Variants in MCAM observed in about 807,000 individuals in gnomAD.
MCAM encodes the protein melanoma cell adhesion molecule.
In MCAM, 55 loss-of-function variants were observed where a neutral mutation model predicts 79.1. The ratio of observed to expected loss-of-function variants is 0.70; its 90% confidence interval spans 0.56 to 0.87. The LOEUF (loss-of-function observed/expected upper bound fraction) is 0.87, where lower values mean the gene tolerates loss of function less well. Among genes scored for constraint, MCAM ranks in the 40% least tolerant of loss-of-function variants. The pLI, the probability that MCAM is intolerant of heterozygous loss-of-function variation, is 0.00. For synonymous variants in MCAM, 330 were observed against 339.8 expected (o/e 0.97, Z 0.32); for missense variants, 745 against 839.8 (o/e 0.89, Z 1.40).
rs2276081 is a variant in MCAM, at chr11:119,310,375, C to T, written c.1885G>A (p.Gly629Ser). 61 of 1,613,884 alleles carry T rather than the reference C, an allele frequency of 3.8e-5. No individual in the cohort carries two copies. The East Asian group carries it at 9.1e-4, about 24-fold the overall frequency. Residue 629 changes from glycine to serine, a missense_variant, in exon 15 of 16, where the codon GGT becomes AGT. Gly to Ser is a moderately conservative substitution (Grantham distance 56). Transcript: ENST00000264036. ...EEMGLLQGSS[G>S]DKRAPGDQGE... Reference sequence around the variant, plus strand: ...TGGTCTCCCGGAGCCCTCTTGTCACCGCTGCTGCCCTGCAGGAGGCCCATC... The same window carrying T: ...TGGTCTCCCGGAGCCCTCTTGTCACTGCTGCTGCCCTGCAGGAGGCCCATC...
At position 119,309,722 on chromosome 11, in the gene MCAM, A is replaced by G. The variant is rs1950198917; in HGVS notation, c.*164T>C. ...CTGAAAAGCGGGCCTTGCAGGGCCA[A>G]GTGAGGTCCTCAGGTCCTAACCCAG... On this transcript the variant is annotated 3_prime_UTR_variant, in exon 16 of 16. Transcript: ENST00000264036. 4 of 683,030 alleles carry G rather than the reference A, an allele frequency of 5.9e-6. No individual in the cohort carries two copies. In the Admixed American group the frequency reaches 1.1e-4, roughly 18 times the overall value. The allele number at this position is 683,030 out of a possible 1,614,324, so 42.3% of individuals were successfully genotyped here. A position where few individuals can be genotyped will look rare whatever the true frequency, so the allele number is the denominator to read the frequency against.
Position 119,312,378 on chromosome 11 carries a change from G to A in MCAM, c.912C>T (p.Val304=). The stretch of plus-strand genomic sequence containing the variant: ...CCTTCCGGGCAGGCTCCAGCACCAG[G>A]ACCCCGTTGTCGTTGGTTGTCTCTT... ...AEEETTNDNG[V]LVLEPARKEH... is the part of the protein sequence containing the mutation. Residue 304 remains valine (V), a synonymous_variant, in exon 8 of 16, where the codon GTC becomes GTT. Transcript: ENST00000264036. This position sits in a 1 kb window ranked among gnomAD's most constrained non-coding sequence, Gnocchi z 4.9. The A allele has an allele frequency of 2.5e-6, 4 of 1,614,072 alleles. No homozygotes were observed. Among genetic ancestry groups the A allele is most frequent in the Non-Finnish European group, 3.4e-6 (4 of 1,179,994 alleles).
In MCAM at chr11:119,311,803, C is replaced by A; in HGVS notation, c.1285+5G>T. 1 of 1,613,934 alleles carries A rather than the reference C, an allele frequency of 6.2e-7. No homozygotes were observed. Among genetic ancestry groups the A allele is most frequent in the Non-Finnish European group, 8.5e-7 (1 of 1,179,946 alleles). ...CCTGGTCTCTACCCAGAGGGAGGGC[C>A]TCACCAAAAATGGCCACGTTGACCA... On this transcript the variant is annotated splice_donor_5th_base_variant and intron_variant, in intron 10 of 15. Coordinates refer to ENST00000264036, the MANE Select transcript of MCAM (RefSeq NM_006500.3). The surrounding 1 kb of genome is among the most constrained non-coding windows in gnomAD (Gnocchi z 4.4).
At chr11:119,310,266 G>A in intron 15 of MCAM, 83 bp downstream of exon 15, 1 of 920,694 alleles carries the variant, frequency 1.1e-6, no homozygotes, top group Non-Finnish European at 1.8e-6. Context: ...AAAGAGGGAT[G>A]AAGGATAGAG....
Position 119,312,235 on chromosome 11 carries a change from G to A in MCAM, c.1024+31C>T. 6.2e-7 allele frequency: 1 copy of A among 1,612,764 alleles called. No individual in the cohort carries two copies. Among genetic ancestry groups the A allele is most frequent in the Non-Finnish European group, 8.5e-7 (1 of 1,179,144 alleles). On this transcript the variant is annotated intron_variant, in intron 8 of 15. Coordinates refer to ENST00000264036, the MANE Select transcript of MCAM (RefSeq NM_006500.3). The surrounding 1 kb of genome is among the most constrained non-coding windows in gnomAD (Gnocchi z 4.9). ...GCCAGTTCCCTATTGCCCCAGCCTG[G>A]TCCCCCTGTCCTGGGTCCCCAGCCC...
chr11:119,315,066 A>G lies in MCAM; in HGVS notation c.193-26T>C, dbSNP rs1950292448. ...CTAATGGGAGGAGACACAGAGGAGG[A>G]GAAGGGTCCTGGGCTACAAGAGGGG... On this transcript the variant is annotated intron_variant, in intron 2 of 15. Transcript: ENST00000264036. This position sits in a 1 kb window ranked among gnomAD's most constrained non-coding sequence, Gnocchi z 4.4. The G allele has an allele frequency of 1.2e-6, 2 of 1,609,522 alleles. No individual in the cohort carries two copies. The highest frequency in any genetic ancestry group is 2.7e-5 in the African/African-American group (2 of 74,890).
At position 119,310,877 on chromosome 11, in the gene MCAM, G is replaced by A. The variant is rs368813514; in HGVS notation, c.1672C>T (p.Arg558Trp). ...ATCACAGCCACGATGACCACGCCCC[G>A]GCTCTCCGGCTCCGGCAGCTTTCTC... ...TERKLPEPES[R>W]GVVIVAVIVC... The change falls in exon 14 of 16, where the codon CGG becomes TGG. Residue 558 changes from arginine (R) to tryptophan (W), a missense_variant. Physicochemically the swap from Arg to Trp is moderately radical, Grantham distance 101. Transcript: ENST00000264036. 25 of 1,614,050 alleles carry A rather than the reference G, an allele frequency of 1.5e-5. No individual in the cohort carries two copies. The highest frequency in any genetic ancestry group is 9.3e-5 in the African/African-American group (7 of 74,932).
chr11:119,311,059 C>T lies in MCAM; in HGVS notation c.1645+31G>A. 6.2e-7 allele frequency: 1 copy of T among 1,614,216 alleles called. No homozygotes were observed. On this transcript the variant is annotated intron_variant, in intron 13 of 15. Coordinates refer to ENST00000264036, the MANE Select transcript of MCAM (RefSeq NM_006500.3). The surrounding 1 kb of genome is among the most constrained non-coding windows in gnomAD (Gnocchi z 4.4). ...ACAGGGCAGAAAGGATGCCCTGGCA[C>T]AGCCCTGTTCTCTTGCCAGGCCTGG...
rs1950248237 is a variant in MCAM, at chr11:119,312,456, G to A, written c.862-28C>T. On this transcript the variant is annotated intron_variant, in intron 7 of 15. Transcript: ENST00000264036. The surrounding 1 kb of genome is among the most constrained non-coding windows in gnomAD (Gnocchi z 4.9). ...AGGGAGGATTGGGGAGGTGAGCAGA[G>A]TGCACCTCCCGCCACTCCACCTGGG... 3 of 1,612,878 alleles carry A rather than the reference G, an allele frequency of 1.9e-6. No homozygotes were observed. The highest frequency in any genetic ancestry group is 8.5e-7 in the Non-Finnish European group (1 of 1,179,702).
Position 119,312,453 on chromosome 11 carries a change from A to G in MCAM, c.862-25T>C, listed in dbSNP as rs368792756. Reference sequence around the variant, plus strand: ...TCTAGGGAGGATTGGGGAGGTGAGCAGAGTGCACCTCCCGCCACTCCACCT... The same window carrying G: ...TCTAGGGAGGATTGGGGAGGTGAGCGGAGTGCACCTCCCGCCACTCCACCT... On this transcript the variant is annotated intron_variant, in intron 7 of 15. Transcript: ENST00000264036. The surrounding 1 kb of genome is among the most constrained non-coding windows in gnomAD (Gnocchi z 4.9). 1.7e-5 allele frequency: 28 copies of G among 1,612,752 alleles called. No individual in the cohort carries two copies. Among genetic ancestry groups the G allele is most frequent in the Non-Finnish European group, 2.3e-5 (27 of 1,179,644 alleles).
intron 15 of MCAM, 69 bp from the exon 16 acceptor site, chr11:119,309,984 G>T: frequency 7.6e-7 from 1 of 1,311,076 alleles, no homozygotes; most frequent in Non-Finnish European, 1.1e-6. Context: ...AGCACCGAGA[G>T]GAAGGAGAGA....
At chr11:119,310,943 G>C (rs1387050477) in intron 13 of MCAM, 40 bp from the exon 14 acceptor site, 1 of 1,613,948 alleles carries the variant, frequency 6.2e-7, no homozygotes, top group Non-Finnish European at 8.5e-7. Flanking sequence ...CCTGCCCCAG[G>C]CCACTTCGTC....
chr11:119,316,619 T>C lies in MCAM; in HGVS notation c.67+416A>G. On this transcript the variant is annotated intron_variant, in intron 1 of 15. Transcript: ENST00000264036. The surrounding 1 kb of genome is among the most constrained non-coding windows in gnomAD (Gnocchi z 4.8). ...GGAAGGGGTGGGTCGGCGCACCCCC[T>C]CCAGCGAAGGAAGCTGCCTTTTCCA... 1 of 163,678 alleles carries C rather than the reference T, an allele frequency of 6.1e-6. No homozygotes were observed. The highest frequency in any genetic ancestry group is 1.3e-5 in the Non-Finnish European group (1 of 75,220). 10.1% of individuals were successfully genotyped at this position (163,678 alleles called of 1,614,324 possible). A position where few individuals can be genotyped will look rare whatever the true frequency, so the allele number is the denominator to read the frequency against.
intron 14 of MCAM, 39 bp from the exon 15 acceptor site, chr11:119,310,505 G>A: frequency 7.3e-7 from 1 of 1,367,940 alleles, no homozygotes; most frequent in African/African-American, 1.4e-5. Flanking sequence ...GGTATCTCAG[G>A]GCCACAGGAA....
At chr11:119,313,485 C>A (rs993610952) in intron 5 of MCAM, 9 of 420,570 alleles carry the variant, frequency 2.1e-5, no homozygotes, top group African/African-American at 1.9e-4. Flanking sequence ...GCAACCTCCA[C>A]CTCCCTCCCG....
In MCAM at chr11:119,311,585, G is replaced by C; in HGVS notation, c.1352C>G (p.Ser451Cys). ...CCGGGGGTGCCCTGACGCTTCACAA[G>C]ACAGATTCAACACCATATTCTCTTT... ...WVKENMVLNLSCEASGHPRPT... is the reference protein window; with the variant it reads ...WVKENMVLNLCCEASGHPRPT... Residue 451 changes from serine (S) to cysteine (C), a missense_variant, in exon 11 of 16, where the codon TCT becomes TGT. Physicochemically the swap from Ser to Cys is moderately radical, Grantham distance 112. Coordinates refer to ENST00000264036, the MANE Select transcript of MCAM (RefSeq NM_006500.3). The surrounding 1 kb of genome is among the most constrained non-coding windows in gnomAD (Gnocchi z 4.4). 8 of 1,614,122 alleles carry C rather than the reference G, an allele frequency of 5.0e-6. No homozygotes were observed. Among genetic ancestry groups the C allele is most frequent in the African/African-American group, 1.3e-5 (1 of 75,008 alleles).
rs765211344 is a variant in MCAM at position 119,315,283 on chromosome 11, CCCCCGCAGCTGTGTCAG to C, written c.68-37_68-21del. ...GCACACCTGGGGGAGGGAGGCGGGG[CCCCCGCAGCTGTGTCAG>C]CTCCGGCTGCTGTCCGCCCCTCCCC... On this transcript the variant is annotated intron_variant, in intron 1 of 15. Coordinates refer to ENST00000264036, the MANE Select transcript of MCAM (RefSeq NM_006500.3). This position sits in a 1 kb window ranked among gnomAD's most constrained non-coding sequence, Gnocchi z 4.4. The C allele has an allele frequency of 6.6e-5, 106 of 1,600,068 alleles. 5 individuals are homozygous for C. The Admixed American group carries it at 1.7e-3, about 26-fold the overall frequency.
chr11:119,314,314 C>T, intron 5 of MCAM, 175 bp downstream of exon 5: 1 of 613,242 alleles, frequency 1.6e-6, no homozygotes, highest in Non-Finnish European at 2.8e-6. Flanking sequence ...CACCACCATG[C>T]CTGGCTAATT....
rs768321460 is a variant in MCAM, at chr11:119,311,961, G to C, written c.1144-12C>G. On this transcript the variant is annotated splice_polypyrimidine_tract_variant and intron_variant, in intron 9 of 15. Transcript: ENST00000264036. This position sits in a 1 kb window ranked among gnomAD's most constrained non-coding sequence, Gnocchi z 4.4. ...AGCACCTGGCCTGTCTGGGATGAGA[G>C]ATGGGTCAGAGGGTCTGGGAAAGAG... 3.1e-6 allele frequency: 5 copies of C among 1,613,346 alleles called. No individual in the cohort carries two copies. The highest frequency in any genetic ancestry group is 4.2e-6 in the Non-Finnish European group (5 of 1,179,946).
Sources: gnomAD v4.1 joint callset for allele counts on GRCh38, gnomAD v4.1.1 for gene constraint, Gnocchi (gnomAD v3.1) non-coding constraint, MANE v1.5 for transcripts, NCBI Gene and HGNC (gene_info 2026-07-23, HGNC 2026-07-21) for gene names.